FOXN3: variants seen among roughly 807,000 people sequenced by gnomAD.
The protein encoded by FOXN3 is forkhead box N3, also known as forkhead box protein N3.
A neutral mutation model predicts 38.4 loss-of-function variants in FOXN3; 7 were observed. The observed-to-expected ratio is 0.18, with a 90% CI of 0.10 to 0.34. FOXN3 has a LOEUF of 0.34. FOXN3 is among the 10% of genes least tolerant of loss of function. The probability of loss-of-function intolerance (pLI) is 1.00; values close to 1 mark genes in which losing one functional copy is unlikely to be tolerated. For synonymous variants in FOXN3, 230 were observed against 242.2 expected, an observed-to-expected ratio of 0.95 and a Z score of 0.47; for missense variants, 456 against 613.4, an observed-to-expected ratio of 0.74 and a Z score of 2.71.
At chr14:89,457,937 C>T (rs1892760488) in intron 1 of FOXN3, among the ~76,000 whole-genome samples, 1 of 148,268 alleles carries the variant, frequency 6.7e-6, no homozygotes, top group African/African-American at 2.5e-5. Flanking sequence ...TTGCTTGAAC[C>T]TGGGAGGTGG....
chr14:89,612,864 G>A (rs1896420270), intron 1 of FOXN3, among the ~76,000 whole-genome samples: 2 of 150,950 alleles, frequency 1.3e-5, no homozygotes, highest in African/African-American at 4.9e-5. Flanking sequence ...TCACGCTTGT[G>A]CTCCCAGCAC....
At chr14:89,360,710 CAGCACT>C (rs1889455163) in intron 2 of FOXN3, among the ~76,000 whole-genome samples, 3 of 145,794 alleles carry the variant, frequency 2.1e-5, no homozygotes, top group Non-Finnish European at 3.0e-5. Flanking sequence ...CCACCACCTC[CAGCACT>C]ACCTCCACCA....
chr14:89,595,978 T>C (rs967324885), intron 1 of FOXN3, among the ~76,000 whole-genome samples: 3 of 152,334 alleles, frequency 2.0e-5, no homozygotes, highest in Non-Finnish European at 2.9e-5. Flanking sequence ...TTTCCCTTTA[T>C]GCTGCTAATA....
intron 2 of FOXN3, among the ~76,000 whole-genome samples, chr14:89,374,197 G>A (rs980145044): frequency 4.4e-5 from 6 of 137,656 alleles, no homozygotes; most frequent in South Asian, 2.5e-4. Flanking sequence ...CCAGAATGTC[G>A]AGGCTGCAGT....
At chr14:89,560,741 G>A (rs2139878647) in intron 1 of FOXN3, among the ~76,000 whole-genome samples, 1 of 152,322 alleles carries the variant, frequency 6.6e-6, no homozygotes, top group South Asian at 2.1e-4. Flanking sequence ...GTGTACTACA[G>A]GGCCAGTTAC....
intron 1 of FOXN3, among the ~76,000 whole-genome samples, chr14:89,488,417 G>A (rs1388764533): frequency 6.6e-6 from 1 of 151,862 alleles, no homozygotes; most frequent in African/African-American, 2.4e-5. Context: ...AGGCCGAGGT[G>A]GGCACATCGC....
chr14:89,520,137 C>A (rs1894290147), intron 1 of FOXN3, among the ~76,000 whole-genome samples: 1 of 150,704 alleles, frequency 6.6e-6, no homozygotes. Context: ...CCTTAGCCTC[C>A]TGAGTAACTG....
chr14:89,570,815 C>T lies in FOXN3; in HGVS notation c.-15+48213G>A, dbSNP rs1184521983. Among the ~76,000 whole-genome samples, 8 of 152,210 alleles carry T rather than the reference C, an allele frequency of 5.3e-5. No homozygotes were observed. In the East Asian group the frequency reaches 1.5e-3, roughly 29 times the overall value. ...GGACACCCCTGATCTAAACCCAGGT[C>T]TTTGGACCTCAAGTTCAGTTGTCTA... On this transcript the variant is annotated intron_variant, in intron 1 of 6. Coordinates refer to the FOXN3 transcript ENST00000345097.
In FOXN3 at chr14:89,604,258, C is replaced by T. The variant is rs12100458; in HGVS notation, c.-15+14770G>A. On this transcript the variant is annotated intron_variant, in intron 1 of 6. Transcript: ENST00000345097. The stretch of plus-strand genomic sequence containing the variant: ...ACACACACGTGCGCGCACACACACG[C>T]GCGCGCACACACACAGAGAGAGAGA... Among the ~76,000 whole-genome samples the T allele has an allele frequency of 3.8e-3, 201 of 52,526 alleles. 1 individual carries two copies. The highest frequency in any genetic ancestry group is 0.015 in the African/African-American group (186 of 12,668). The allele number at this position is 52,526 out of a possible 152,430, so 34.5% of individuals were successfully genotyped here.
intron 1 of FOXN3, among the ~76,000 whole-genome samples, chr14:89,477,768 A>G (rs1893240925): frequency 6.6e-6 from 1 of 152,196 alleles, no homozygotes; most frequent in African/African-American, 2.4e-5. Context: ...GACAAAGACC[A>G]TGTATATTAA....
At chr14:89,276,447 G>A (rs148167486) in intron 4 of FOXN3, among the ~76,000 whole-genome samples, 54 of 152,338 alleles carry the variant, frequency 3.5e-4, no homozygotes, top group African/African-American at 1.2e-3. Flanking sequence ...GACCAGAAGG[G>A]TATAAGGGTG....
intron 1 of FOXN3, among the ~76,000 whole-genome samples, chr14:89,554,532 G>A (rs1895074378): frequency 6.6e-6 from 1 of 152,006 alleles, no homozygotes; most frequent in African/African-American, 2.4e-5. Context: ...CTTTTGTTCT[G>A]TTACAATTTT....
intron 1 of FOXN3, among the ~76,000 whole-genome samples, chr14:89,497,006 G>A (rs867498111): frequency 6.6e-6 from 1 of 152,172 alleles, no homozygotes; most frequent in African/African-American, 2.4e-5. Flanking sequence ...CCAGGCTGGA[G>A]TGCAATGACG....
intron 3 of FOXN3, among the ~76,000 whole-genome samples, chr14:89,288,504 A>G (rs915140735): frequency 2.0e-5 from 3 of 149,146 alleles, no homozygotes; most frequent in East Asian, 2.0e-4. Flanking sequence ...TTATTTCAGA[A>G]TAAGTTTACA....
At chr14:89,342,222 T>C (rs900745358) in intron 3 of FOXN3, among the ~76,000 whole-genome samples, 1 of 152,194 alleles carries the variant, frequency 6.6e-6, no homozygotes, top group Non-Finnish European at 1.5e-5. Context: ...AAAATAGATA[T>C]AATCAGCCCA....
chr14:89,222,422 T>A (rs1256583685), intron 4 of FOXN3, among the ~76,000 whole-genome samples: 1 of 152,160 alleles, frequency 6.6e-6, no homozygotes, highest in African/African-American at 2.4e-5. Flanking sequence ...TACAAAAAAA[T>A]GTAAATCCAG....
intron 1 of FOXN3, among the ~76,000 whole-genome samples, chr14:89,531,307 AAC>A (rs1456020174): frequency 2.0e-5 from 3 of 152,078 alleles, no homozygotes; most frequent in African/African-American, 7.2e-5. Flanking sequence ...TACTTTGATA[AAC>A]AGTTTATAAT....
chr14:89,174,732 G>A (rs780248055), intron 5 of FOXN3, among the ~76,000 whole-genome samples: 4 of 152,160 alleles, frequency 2.6e-5, no homozygotes, highest in Non-Finnish European at 5.9e-5. Context: ...AACTACGCTC[G>A]CTGAAATGGG....
chr14:89,576,598 C>T (rs1487785400), intron 1 of FOXN3: 1 of 151,566 alleles, frequency 6.6e-6, no homozygotes, highest in Non-Finnish European at 1.5e-5. Context: ...ATGAAAATAC[C>T]ATCAGATTAG....
Sources: allele counts gnomAD v4.1 joint callset (sites outside exome capture counted in the v4.1 genomes callset), GRCh38; gene constraint gnomAD v4.1.1; transcripts MANE v1.5; gene names NCBI Gene and HGNC (gene_info 2026-07-23, HGNC 2026-07-21).